Variants in LRP1B observed in about 807,000 individuals in gnomAD.
LRP1B encodes LDL receptor related protein 1B.
A neutral mutation model predicts 556.6 loss-of-function variants in LRP1B; 217 were observed. The observed-to-expected ratio is 0.39, with a 90% confidence interval of 0.35 to 0.44. The LOEUF (loss-of-function observed/expected upper bound fraction) is 0.44, where lower values mean the gene tolerates loss of function less well. LRP1B is among the 20% of genes least tolerant of loss of function. LRP1B has a pLI of 1.00. For synonymous variants in LRP1B, 2,047 were observed against 1,865.8 expected, an observed-to-expected ratio of 1.10 and a Z score of -2.50; for missense variants, 5,053 against 5,620.8, an observed-to-expected ratio of 0.90 and a Z score of 3.23.
chr2:141,277,317 T>C (rs189100211), intron 3 of LRP1B, among the ~76,000 whole-genome samples: 69 of 152,316 alleles, frequency 4.5e-4, no homozygotes, highest in Non-Finnish European at 1.2e-4. Context: ...TTTAGGCTTT[T>C]TAATAATAGC....
At chr2:141,064,355 T>C (rs1411064955) in intron 7 of LRP1B, among the ~76,000 whole-genome samples, 1 of 151,958 alleles carries the variant, frequency 6.6e-6, no homozygotes, top group Non-Finnish European at 1.5e-5. Flanking sequence ...CAGGTGATGA[T>C]GAAGGTTTCA....
intron 2 of LRP1B, among the ~76,000 whole-genome samples, chr2:141,606,444 A>G (rs1687920748): frequency 6.6e-6 from 1 of 152,230 alleles, no homozygotes; most frequent in South Asian, 2.1e-4. Flanking sequence ...GAAAAATAGC[A>G]TGGAAACTTA....
chr2:140,976,615 C>T (rs138043609), intron 18 of LRP1B, among the ~76,000 whole-genome samples: 6,422 of 143,956 alleles, frequency 0.045, 163 homozygotes, highest in African/African-American at 0.068. Flanking sequence ...TCAAGCTATT[C>T]TCCTGCCTCA....
chr2:140,344,017 G>A (rs13019002), intron 77 of LRP1B, among the ~76,000 whole-genome samples: 15,003 of 151,618 alleles, frequency 0.099, 800 homozygotes, highest in Middle Eastern at 0.14. Context: ...GTTTGATTGC[G>A]ATGATGGTCA....
rs1356336708 is a variant in LRP1B at position 141,649,752 on chromosome 2, G to A, written c.205+160527C>T. ...TTACTTTTAAAAATGATACCCTATT[G>A]TCAAACTATTGCCTGACAAACTCTT... On this transcript the variant is annotated intron_variant, in intron 2 of 90. Coordinates refer to ENST00000389484, the MANE Select transcript of LRP1B (RefSeq NM_018557.3). Among the ~76,000 whole-genome samples the A allele has an allele frequency of 2.6e-5, 4 of 152,188 alleles. No individual in the cohort carries two copies. In the East Asian group the frequency reaches 7.7e-4, roughly 29 times the overall value.
intron 2 of LRP1B, among the ~76,000 whole-genome samples, chr2:141,639,389 T>TAG: frequency 1.2e-5 from 1 of 84,264 alleles, no homozygotes; most frequent in Non-Finnish European, 2.8e-5. Context: ...CATATATATA[T>TAG]ACACATATAT....
chr2:141,276,803 G>C (rs1350239848), intron 3 of LRP1B, among the ~76,000 whole-genome samples: 1 of 151,578 alleles, frequency 6.6e-6, no homozygotes, highest in Non-Finnish European at 1.5e-5. Flanking sequence ...ACTACAAGCG[G>C]CCGCCACCAC....
rs1309874788 is a variant in LRP1B, at chr2:140,907,944, C to T, written c.3453G>A (p.Leu1151=). 1 of 1,613,480 alleles carries T rather than the reference C, an allele frequency of 6.2e-7. No individual in the cohort carries two copies. The highest frequency in any genetic ancestry group is 8.5e-7 in the Non-Finnish European group (1 of 1,179,692). Residue 1151 remains leucine (L), a synonymous_variant, in exon 22 of 91, where the codon CTG becomes CTA. Coordinates refer to ENST00000389484, the MANE Select transcript of LRP1B (RefSeq NM_018557.3). ...HPCANDTSVC[L]QPEKLCNGKK... is the part of the protein sequence containing the mutation. ...TCCCATTGCAGAGTTTCTCTGGCTGCAGGCAGACTGAGGTGTCATTAGCAC... is the reference window on the plus strand; with the variant it reads ...TCCCATTGCAGAGTTTCTCTGGCTGTAGGCAGACTGAGGTGTCATTAGCAC...
intron 3 of LRP1B, among the ~76,000 whole-genome samples, chr2:141,256,429 T>C (rs1029612906): frequency 3.3e-5 from 5 of 151,974 alleles, no homozygotes; most frequent in African/African-American, 4.8e-5. Flanking sequence ...TCAAGGTGAA[T>C]TAATTCACGG....
chr2:141,396,491 T>C (rs914164608), intron 3 of LRP1B, among the ~76,000 whole-genome samples: 13 of 152,326 alleles, frequency 8.5e-5, no homozygotes, highest in Admixed American at 2.6e-4. Flanking sequence ...TTAGTGGCTA[T>C]AGATAAAGCC....
chr2:141,193,197 A>C (rs1484797031), intron 6 of LRP1B, among the ~76,000 whole-genome samples: 2 of 152,054 alleles, frequency 1.3e-5, no homozygotes, highest in Admixed American at 6.6e-5. Context: ...AGCTAAAAGC[A>C]GAACTACCAT....
intron 66 of LRP1B, among the ~76,000 whole-genome samples, chr2:140,419,782 T>C (rs1685354579): frequency 6.6e-6 from 1 of 152,092 alleles, no homozygotes; most frequent in South Asian, 2.1e-4. Context: ...CCAAAGCAAG[T>C]GGATCACTTG....
intron 1 of LRP1B, among the ~76,000 whole-genome samples, chr2:142,068,873 A>G (rs1435188235): frequency 6.6e-6 from 1 of 151,670 alleles, no homozygotes; most frequent in African/African-American, 2.4e-5. Flanking sequence ...TTAAATTGTT[A>G]TTTCATCAAA....
At chr2:140,813,547 T>G in intron 32 of LRP1B, 110 bp downstream of exon 32, 3 of 875,370 alleles carry the variant, frequency 3.4e-6, no homozygotes. Context: ...TCAATTTGAA[T>G]ATAGTTCTGG....
chr2:141,247,329 A>G lies in LRP1B; in HGVS notation c.489T>C (p.Gly163=), dbSNP rs754526077. 2.5e-6 allele frequency: 4 copies of G among 1,613,642 alleles called. No homozygotes were observed. The highest frequency in any genetic ancestry group is 3.3e-5 in the Admixed American group (2 of 59,978). The change falls in exon 5 of 91, where the codon GGT becomes GGC. Residue 163 remains glycine (G), a synonymous_variant. Transcript: ENST00000389484. The part of the protein sequence containing the change: ...CKDQDECAVY[G]TCSQTCRNTH... Reference sequence around the variant, plus strand: ...TGTTTCTGCAGGTCTGGCTGCATGTACCATAAACAGCACATTCATCTTGAT... The same window carrying G: ...TGTTTCTGCAGGTCTGGCTGCATGTGCCATAAACAGCACATTCATCTTGAT...
intron 83 of LRP1B, among the ~76,000 whole-genome samples, chr2:140,304,814 T>A (rs1466988476): frequency 6.6e-6 from 1 of 152,194 alleles, no homozygotes; most frequent in Non-Finnish European, 1.5e-5. Context: ...CTTTAATCCA[T>A]CTTGAATTAA....
intron 83 of LRP1B, among the ~76,000 whole-genome samples, chr2:140,311,689 G>T (rs577183647): frequency 1.3e-5 from 2 of 151,818 alleles, no homozygotes; most frequent in South Asian, 4.1e-4. Context: ...GCCCAAAAAA[G>T]GCAAGTAGAA....
intron 59 of LRP1B, among the ~76,000 whole-genome samples, chr2:140,481,291 T>C (rs1688227722): frequency 6.6e-6 from 1 of 152,114 alleles, no homozygotes; most frequent in Non-Finnish European, 1.5e-5. Flanking sequence ...ATGTTTATGA[T>C]CCACAATTAT....
At chr2:141,544,386 TCCTCCTCCTC>T (rs1685467432) in intron 2 of LRP1B, among the ~76,000 whole-genome samples, 12 of 80,332 alleles carry the variant, frequency 1.5e-4, no homozygotes, top group South Asian at 5.4e-4. Flanking sequence ...CTTCTTCTCC[TCCTCCTCCTC>T]CTCCTCCTCC....
Sources: gnomAD v4.1 joint callset for allele counts (sites outside exome capture counted in the v4.1 genomes callset) on GRCh38, gnomAD v4.1.1 for gene constraint, MANE v1.5 for transcripts, NCBI Gene and HGNC (gene_info 2026-07-23, HGNC 2026-07-21) for gene names.